Variants in CNNM4 observed in about 807,000 individuals in gnomAD.
CNNM4 encodes metal transporter CNNM4.
Under a neutral mutation model 53.7 loss-of-function variants are expected in CNNM4, and 32 were observed. That is an observed-to-expected ratio of 0.60 (90% CI 0.45 to 0.80). The LOEUF is 0.80. Among genes scored for constraint, CNNM4 ranks in the 30% least tolerant of loss-of-function variants. The pLI, the probability that CNNM4 is intolerant of heterozygous loss-of-function variation, is 0.00. For missense variants in CNNM4, 784 were observed against 1,022.0 expected (o/e 0.77, Z 3.17); for synonymous variants, 410 against 440.0 (o/e 0.93, Z 0.85).
Position 96,808,595 on chromosome 2 carries a change from C to T in CNNM4, c.1983C>T (p.Arg661=), listed in dbSNP as rs1442062388. ...CAGCACACCCCACCCCACTCAGCCGCTCAGCCTCCCTCAGTTACCCAGACC... is the reference window on the plus strand; with the variant it reads ...CAGCACACCCCACCCCACTCAGCCGTTCAGCCTCCCTCAGTTACCCAGACC... ...RSPAHPTPLS[R]SASLSYPDRT... Residue 661 remains arginine, a synonymous_variant, in exon 6 of 7, where the codon CGC becomes CGT. Transcript: ENST00000377075. This position sits in a 1 kb window ranked among gnomAD's most constrained non-coding sequence, Gnocchi z 4.9. The T allele has an allele frequency of 6.2e-7, 1 of 1,614,176 alleles. No homozygotes were observed. Among genetic ancestry groups the T allele is most frequent in the Admixed American group, 1.7e-5 (1 of 60,014 alleles).
At chr2:96,765,031 T>G (rs1161526948) in intron 1 of CNNM4, among the ~76,000 whole-genome samples, 50 of 88,478 alleles carry the variant, frequency 5.7e-4, no homozygotes, top group Non-Finnish European at 7.9e-4. Flanking sequence ...ATGGTTTTTT[T>G]TTTTTTTTTT....
intron 1 of CNNM4, among the ~76,000 whole-genome samples, chr2:96,786,507 G>A (rs113558205): frequency 0.018 from 2,680 of 151,886 alleles, 28 homozygotes; most frequent in Middle Eastern, 0.041. Context: ...GGCCAGGTAC[G>A]GTGGCTCATG....
chr2:96,765,032 T>G (rs1423475908), intron 1 of CNNM4, among the ~76,000 whole-genome samples: 7 of 92,082 alleles, frequency 7.6e-5, no homozygotes, highest in Non-Finnish European at 1.4e-4. Flanking sequence ...TGGTTTTTTT[T>G]TTTTTTTTTT....
chr2:96,802,547 C>T (rs2079168992), intron 5 of CNNM4, among the ~76,000 whole-genome samples: 1 of 152,368 alleles, frequency 6.6e-6, no homozygotes, highest in East Asian at 1.9e-4. Context: ...TAGTCAAGAG[C>T]CACCTCCACA....
intron 1 of CNNM4, among the ~76,000 whole-genome samples, chr2:96,766,094 T>C (rs1269752546): frequency 6.9e-6 from 1 of 145,402 alleles, no homozygotes. Flanking sequence ...TTTTTTTTTT[T>C]CTTTTCTTTT....
rs1254416939 is a variant in CNNM4, at chr2:96,797,119, A to G, written c.1510A>G (p.Ile504Val). ...CCTGGAGGACGTGATCGAGGAGATC[A>G]TCAAGTCGGAGATCCTGGACGAGTC... ...VTLEDVIEEI[I>V]KSEILDESDM... Residue 504 changes from isoleucine (I) to valine (V), a missense_variant, in exon 2 of 7, where the codon ATC becomes GTC. Around this residue, in one of 3 missense-constraint regions of CNNM4, gnomAD observed 307 missense variants for 376.3 expected, o/e 0.82. Coordinates refer to ENST00000377075, the MANE Select transcript of CNNM4 (RefSeq NM_020184.4). This position sits in a 1 kb window ranked among gnomAD's most constrained non-coding sequence, Gnocchi z 6.0. The G allele has an allele frequency of 6.2e-7, 1 of 1,614,202 alleles. No individual in the cohort carries two copies. The highest frequency in any genetic ancestry group is 8.5e-7 in the Non-Finnish European group (1 of 1,180,024).
intron 1 of CNNM4, among the ~76,000 whole-genome samples, chr2:96,775,696 T>G (rs1451247160): frequency 6.6e-6 from 1 of 152,188 alleles, no homozygotes; most frequent in African/African-American, 2.4e-5. Flanking sequence ...GCCATTAAGG[T>G]GTGTGCATGG....
chr2:96,804,812 G>A (rs2079187677), intron 5 of CNNM4, among the ~76,000 whole-genome samples: 1 of 151,714 alleles, frequency 6.6e-6, no homozygotes, highest in Non-Finnish European at 1.5e-5. Flanking sequence ...CTGGGATTAC[G>A]GGTGTGAGCC....
At chr2:96,809,128 C>A in intron 6 of CNNM4, 192 bp from the exon 7 acceptor site, 1 of 1,266,924 alleles carries the variant, frequency 7.9e-7, no homozygotes, top group Non-Finnish European at 1.1e-6. Flanking sequence ...AGGTGTGAGC[C>A]ACTGTGCCCA....
chr2:96,786,898 A>C (rs1415554755), intron 1 of CNNM4, among the ~76,000 whole-genome samples: 1 of 152,152 alleles, frequency 6.6e-6, no homozygotes, highest in Non-Finnish European at 1.5e-5. Flanking sequence ...CCCCAATATG[A>C]AAATAGTGTC....
At chr2:96,781,071 C>T (rs543354045) in intron 1 of CNNM4, among the ~76,000 whole-genome samples, 164 of 143,328 alleles carry the variant, frequency 1.1e-3, no homozygotes, top group Non-Finnish European at 1.9e-3. Flanking sequence ...CTCCGCCTCC[C>T]GGGTTCACGC....
At chr2:96,775,566 G>A (rs972520904) in intron 1 of CNNM4, among the ~76,000 whole-genome samples, 1 of 152,146 alleles carries the variant, frequency 6.6e-6, no homozygotes, top group African/African-American at 2.4e-5. Context: ...GCCCGGGAAC[G>A]GAATTGCTAA....
At chr2:96,780,098 C>T (rs2078960948) in intron 1 of CNNM4, among the ~76,000 whole-genome samples, 2 of 152,040 alleles carry the variant, frequency 1.3e-5, no homozygotes, top group South Asian at 4.1e-4. Flanking sequence ...CCGCGCCTGG[C>T]CAGACTTGAC....
intron 1 of CNNM4, among the ~76,000 whole-genome samples, chr2:96,765,718 AAATG>A (rs759776201): frequency 6.6e-6 from 1 of 152,064 alleles, no homozygotes; most frequent in Non-Finnish European, 1.5e-5. Context: ...AGTGTTGGAC[AAATG>A]AATGAACAAT....
intron 1 of CNNM4, among the ~76,000 whole-genome samples, chr2:96,794,390 C>G (rs528104888): frequency 6.6e-6 from 1 of 152,322 alleles, no homozygotes; most frequent in South Asian, 2.1e-4. Flanking sequence ...GGTGACCACT[C>G]TTACTACTTC....
At position 96,797,448 on chromosome 2, in the gene CNNM4, G is replaced by A. The variant is rs2079113751; in HGVS notation, c.1547-65G>A. On this transcript the variant is annotated intron_variant, in intron 2 of 6. Transcript: ENST00000377075. The surrounding 1 kb of genome is among the most constrained non-coding windows in gnomAD (Gnocchi z 6.0). Reference sequence around the variant, plus strand: ...GCTGGAGAGCAGGAGCTGCGGGGCGGGTTCCAGTCTCTTCCTAAGTCCTCA... The same window carrying A: ...GCTGGAGAGCAGGAGCTGCGGGGCGAGTTCCAGTCTCTTCCTAAGTCCTCA... 4.4e-6 allele frequency: 7 copies of A among 1,601,662 alleles called. No individual in the cohort carries two copies. The East Asian group carries it at 1.6e-4, about 36-fold the overall frequency.
In CNNM4 at chr2:96,768,884, C is replaced by T. The variant is rs374301732; in HGVS notation, c.1402+6483C>T. Among the ~76,000 whole-genome samples, 25 of 152,290 alleles carry T rather than the reference C, an allele frequency of 1.6e-4. 2 individuals are homozygous for T. The highest frequency in any genetic ancestry group is 6.5e-4 in the Admixed American group (10 of 15,286). ...GGACCACACCAGTGTGCAGTAACATCTAGGCAGGCATGCAGGGGAAAATGC... is the reference window on the plus strand; with the variant it reads ...GGACCACACCAGTGTGCAGTAACATTTAGGCAGGCATGCAGGGGAAAATGC... On this transcript the variant is annotated intron_variant, in intron 1 of 6. Coordinates refer to ENST00000377075, the MANE Select transcript of CNNM4 (RefSeq NM_020184.4).
intron 6 of CNNM4, 163 bp from the exon 7 acceptor site, chr2:96,809,157 C>G: frequency 6.8e-7 from 1 of 1,478,370 alleles, no homozygotes; most frequent in Admixed American, 2.0e-5. Context: ...ATGCTTTCTT[C>G]TCTTGTTCGT....
At chr2:96,763,003 G>A (rs574555154) in intron 1 of CNNM4, among the ~76,000 whole-genome samples, 1 of 152,182 alleles carries the variant, frequency 6.6e-6, no homozygotes, top group South Asian at 2.1e-4. Context: ...TCCCAGCTTG[G>A]GAGCTACAGG....
Sources: gnomAD v4.1 joint callset for allele counts (sites outside exome capture counted in the v4.1 genomes callset) on GRCh38, gnomAD v4.1.1 for gene constraint, gnomAD v4.1.1 regional missense constraint, Gnocchi (gnomAD v3.1) non-coding constraint, MANE v1.5 for transcripts, NCBI Gene and HGNC (gene_info 2026-07-23, HGNC 2026-07-21) for gene names.